Variants in TKFC observed in about 807,000 individuals in gnomAD.
The protein encoded by TKFC is triokinase/FMN cyclase.
A neutral mutation model predicts 61.0 loss-of-function variants in TKFC; 46 were observed. The observed-to-expected ratio is 0.75, with a 90% CI of 0.60 to 0.96. The LOEUF is 0.96. Among genes scored for constraint, TKFC ranks in the 50% least tolerant of loss-of-function variants. The pLI, the probability that TKFC is intolerant of heterozygous loss-of-function variation, is 0.00. For synonymous variants in TKFC, 314 were observed against 330.1 expected, an observed-to-expected ratio of 0.95 and a Z score of 0.53; for missense variants, 715 against 777.5, an observed-to-expected ratio of 0.92 and a Z score of 0.96.
At chr11:61,343,256 C>A in intron 10 of TKFC, 86 bp from the exon 11 acceptor site, 1 of 1,282,254 alleles carries the variant, frequency 7.8e-7, no homozygotes, top group Non-Finnish European at 1.1e-6. Context: ...CTCAGAGCCC[C>A]AGCTTCCAAG....
intron 6 of TKFC, 71 bp downstream of exon 6, chr11:61,341,585 C>G (rs1285254887): frequency 1.3e-5 from 20 of 1,506,824 alleles, no homozygotes; most frequent in African/African-American, 2.8e-5. Context: ...GGAGCAGGTT[C>G]CTGTTGGCTG....
chr11:61,345,509 G>A lies in TKFC; in HGVS notation c.1395G>A (p.Lys465=). 1 of 1,613,358 alleles carries A rather than the reference G, an allele frequency of 6.2e-7. No individual in the cohort carries two copies. The highest frequency in any genetic ancestry group is 8.5e-7 in the Non-Finnish European group (1 of 1,180,034). ...LTAAAQPLKA[K]TSLPAWSAAM... is the part of the protein sequence containing the mutation. ...CGGCTGCACAGCCCCTGAAGGCCAA[G>A]ACCAGCCTCCCAGCCTGGTCTGCTG... Residue 465 remains lysine, a synonymous_variant, in exon 15 of 18, where the codon AAG becomes AAA. Transcript: ENST00000394900.
rs1234523638 is a variant in TKFC at position 61,337,992 on chromosome 11, G to C, written c.55G>C (p.Ala19Pro). 1 of 1,613,162 alleles carries C rather than the reference G, an allele frequency of 6.2e-7. No homozygotes were observed. The highest frequency in any genetic ancestry group is 8.5e-7 in the Non-Finnish European group (1 of 1,179,650). The change falls in exon 3 of 18, where the codon GCT (alanine) becomes CCT (proline). Residue 19 changes from alanine to proline, a missense_variant. Transcript: ENST00000394900. ...SVAGCADDAL[A>P]GLVACNPNLQ... ...GGCTGGCTGTGCTGATGACGCTCTT[G>C]CTGGCCTGGTGGCCTGCAACCCCAA... is the stretch of plus-strand genomic sequence containing the variant.
intron 15 of TKFC, 55 bp from the exon 16 acceptor site, chr11:61,345,657 G>T: frequency 1.9e-6 from 3 of 1,613,528 alleles, no homozygotes; most frequent in East Asian, 4.5e-5. Context: ...CCAACCCTCA[G>T]AGTGATTCCC....
chr11:61,347,997 C>G lies in TKFC; in HGVS notation c.*1494C>G, dbSNP rs1160135297. 1.0e-6 allele frequency: 1 copy of G among 985,326 alleles called. No individual in the cohort carries two copies. Among genetic ancestry groups the G allele is most frequent in the East Asian group, 1.1e-4 (1 of 8,818 alleles). The allele number at this position is 985,326 out of a possible 1,614,324, so 61.0% of individuals were successfully genotyped here. A position where few individuals can be genotyped will look rare whatever the true frequency, so the allele number is the denominator to read the frequency against. ...AGCCTCCTGCCCTCCCAACCCCCGT[C>G]ACCTACTTGGCCCAAATTTGGCTGC... On this transcript the variant is annotated 3_prime_UTR_variant, in exon 18 of 18. Coordinates refer to ENST00000394900, the MANE Select transcript of TKFC (RefSeq NM_015533.4).
At position 61,347,771 on chromosome 11, in the gene TKFC, A is replaced by G. The variant is rs1313116475; in HGVS notation, c.*1268A>G. 1.0e-6 allele frequency: 1 copy of G among 980,382 alleles called. No homozygotes were observed. The highest frequency in any genetic ancestry group is 1.2e-6 in the Non-Finnish European group (1 of 825,562). The allele number at this position is 980,382 out of a possible 1,614,324, so 60.7% of individuals were successfully genotyped here. On this transcript the variant is annotated 3_prime_UTR_variant, in exon 18 of 18. Transcript: ENST00000394900. ...AACCCGGCTACAGGAGCTAAGGCCT[A>G]TTTTTTAGCCCTTTGGGATCTGTAA... is the stretch of plus-strand genomic sequence containing the variant.
Position 61,338,096 on chromosome 11 carries a change from G to A in TKFC, c.159G>A (p.Ser53=), listed in dbSNP as rs560798501. The A allele has an allele frequency of 6.7e-4, 1,079 of 1,606,844 alleles. 12 individuals carry two copies. The South Asian group carries it at 0.011, about 16-fold the overall frequency. ...TCAAGGGCCGGGTGGCACTGCTGTC[G>A]GGTGGGGGCTCTGGCCATGAGCCTG... ...DSLKGRVALL[S]GGGSGHEPAH... Residue 53 remains serine, a synonymous_variant, in exon 3 of 18, where the codon TCG becomes TCA. Transcript: ENST00000394900.
chr11:61,345,757 G>A lies in TKFC; in HGVS notation c.1485+12G>A, dbSNP rs968207724. On this transcript the variant is annotated intron_variant, in intron 16 of 17. Transcript: ENST00000394900. ...GGGACAGGACTATGGTATGTACTCAGGCTGTGGCCTCAGACCTTTCTCCTT... is the reference window on the plus strand; with the variant it reads ...GGGACAGGACTATGGTATGTACTCAAGCTGTGGCCTCAGACCTTTCTCCTT... 2 of 1,614,100 alleles carry A rather than the reference G, an allele frequency of 1.2e-6. No individual in the cohort carries two copies. The highest frequency in any genetic ancestry group is 2.7e-5 in the African/African-American group (2 of 74,938).
Position 61,339,434 on chromosome 11 carries a change from A to G in TKFC, c.485A>G (p.Lys162Arg), listed in dbSNP as rs772254579. The part of the protein sequence containing the change: ...RGLCGTVLIH[K>R]VAGALAEAGV... ...CTGTGCGGCACGGTGCTTATACACA[A>G]GGTGGGCTTCCACCGGGGACGTGGA... Residue 162 changes from lysine to arginine, a missense_variant and splice_region_variant, in exon 5 of 18, where the codon AAG (lysine) becomes AGG (arginine). By Grantham distance (26) the Lys-to-Arg change is conservative. Coordinates refer to ENST00000394900, the MANE Select transcript of TKFC (RefSeq NM_015533.4). 1.2e-6 allele frequency: 2 copies of G among 1,604,774 alleles called. No homozygotes were observed.
Position 61,344,085 on chromosome 11 carries a change from G to A in TKFC, c.1103-51G>A, listed in dbSNP as rs1250894272. 3.7e-6 allele frequency: 6 copies of A among 1,607,126 alleles called. 1 individual carries two copies. The highest frequency in any genetic ancestry group is 5.1e-6 in the Non-Finnish European group (6 of 1,176,902). Reference sequence around the variant, plus strand: ...CACACCTCCCACCATAGTCAAGTGTGGTTGTGAGAAGGGCCTGGTGGGCCT... The same window carrying A: ...CACACCTCCCACCATAGTCAAGTGTAGTTGTGAGAAGGGCCTGGTGGGCCT... On this transcript the variant is annotated intron_variant, in intron 12 of 17. Transcript: ENST00000394900.
chr11:61,347,174 C>T lies in TKFC; in HGVS notation c.*671C>T, dbSNP rs943803159. 14 of 985,254 alleles carry T rather than the reference C, an allele frequency of 1.4e-5. No individual in the cohort carries two copies. Among genetic ancestry groups the T allele is most frequent in the Non-Finnish European group, 1.6e-5 (13 of 829,964 alleles). The allele number at this position is 985,254 out of a possible 1,614,324, so 61.0% of individuals were successfully genotyped here. ...TTGAATTAATAATTCAGTGGCTCCT[C>T]GGGAGTCGAATGGGCATTTGGGACA... is the stretch of plus-strand genomic sequence containing the variant. On this transcript the variant is annotated 3_prime_UTR_variant, in exon 18 of 18. Coordinates refer to ENST00000394900, the MANE Select transcript of TKFC (RefSeq NM_015533.4).
At position 61,343,332 on chromosome 11, in the gene TKFC, G is replaced by C; in HGVS notation, c.866-10G>C. On this transcript the variant is annotated splice_polypyrimidine_tract_variant and intron_variant, in intron 10 of 17. Transcript: ENST00000394900. ...TTTCCCTTTTGGACTGCCACACTCT[G>C]GTATTGCAGAGGGCCGCGGGGTGAA... 1.2e-6 allele frequency: 2 copies of C among 1,612,570 alleles called. No individual in the cohort carries two copies. Among genetic ancestry groups the C allele is most frequent in the Non-Finnish European group, 1.7e-6 (2 of 1,178,670 alleles).
chr11:61,333,493 G>T lies in TKFC; in HGVS notation c.-110+164G>T, dbSNP rs28720245. The T allele has an allele frequency of 3.2e-3, 494 of 152,582 alleles. 1 individual carries two copies. The highest frequency in any genetic ancestry group is 0.014 in the Middle Eastern group (4 of 294). 9.5% of individuals were successfully genotyped at this position (152,582 alleles called of 1,614,324 possible). ...GAGGCATAGAGAGGGAAGGGAGACC[G>T]CGATTCGTGCATATCCCAGACTAGA... is the stretch of plus-strand genomic sequence containing the variant. On this transcript the variant is annotated intron_variant, in intron 1 of 17. Transcript: ENST00000394900.
At chr11:61,337,641 A>C (rs1394575125) in intron 2 of TKFC, among the ~76,000 whole-genome samples, 1 of 152,210 alleles carries the variant, frequency 6.6e-6, no homozygotes, top group Non-Finnish European at 1.5e-5. Flanking sequence ...TTTTATTAAA[A>C]TATTTTACAC....
At chr11:61,349,794 C>G, downstream of TKFC, 1 of 623,544 alleles carries the variant, frequency 1.6e-6, no homozygotes, top group Non-Finnish European at 2.9e-6. Flanking sequence ...CTCCACCCCA[C>G]CTCACATCCA....
At chr11:61,336,064 G>A (rs1856596237) in intron 2 of TKFC, 2 of 152,912 alleles carry the variant, frequency 1.3e-5, no homozygotes, top group Middle Eastern at 1.4e-3. Flanking sequence ...AAAGTTCTGG[G>A]ATTATAGGCA....
rs760612432 is a variant in TKFC, at chr11:61,346,284, G to T, written c.1576-67G>T. On this transcript the variant is annotated intron_variant, in intron 17 of 17. Transcript: ENST00000394900. This position sits in a 1 kb window ranked among gnomAD's most constrained non-coding sequence, Gnocchi z 4.1. Reference sequence around the variant, plus strand: ...CCAGGCTGCACGGCAGAGACGTTCTGCCCATGGCAGGAAGGAGGCGGCCTG... The same window carrying T: ...CCAGGCTGCACGGCAGAGACGTTCTTCCCATGGCAGGAAGGAGGCGGCCTG... The T allele has an allele frequency of 2.5e-6, 4 of 1,605,600 alleles. No individual in the cohort carries two copies. The highest frequency in any genetic ancestry group is 2.5e-6 in the Non-Finnish European group (3 of 1,179,612).
chr11:61,337,290 A>G (rs961301575), intron 2 of TKFC, among the ~76,000 whole-genome samples: 4 of 152,168 alleles, frequency 2.6e-5, no homozygotes, highest in Non-Finnish European at 5.9e-5. Context: ...GACTCCAGGC[A>G]TGCACCACCA....
Position 61,342,581 on chromosome 11 carries a change from C to G in TKFC, c.698C>G (p.Thr233Ser), listed in dbSNP as rs1054045822. The change falls in exon 9 of 18, where the codon ACC becomes AGC. Residue 233 changes from threonine to serine, a missense_variant. By Grantham distance (58) the Thr-to-Ser change is moderately conservative. Coordinates refer to ENST00000394900, the MANE Select transcript of TKFC (RefSeq NM_015533.4). ...EAGVRRIKMA[T>S]ADEIVKLMLD... ...CCTGGCTCCCTCTGACAGATGGCAA[C>G]CGCCGATGAGATTGTGAAACTCATG... 5 of 1,614,064 alleles carry G rather than the reference C, an allele frequency of 3.1e-6. No homozygotes were observed. The South Asian group carries it at 5.5e-5, about 18-fold the overall frequency.
Sources: allele counts gnomAD v4.1 joint callset (sites outside exome capture counted in the v4.1 genomes callset), GRCh38; gene constraint gnomAD v4.1.1; non-coding constraint Gnocchi (gnomAD v3.1); transcripts MANE v1.5; gene names NCBI Gene and HGNC (gene_info 2026-07-23, HGNC 2026-07-21).